PXN: variants seen among roughly 807,000 people sequenced by gnomAD.
PXN encodes testicular tissue protein Li 134.
A neutral mutation model predicts 103.6 loss-of-function variants in PXN; 61 were observed. That is an observed-to-expected ratio of 0.59 (90% CI 0.48 to 0.73). The LOEUF is 0.73. Among genes scored for constraint, PXN ranks in the 30% least tolerant of loss-of-function variants. The pLI, the probability that PXN is intolerant of heterozygous loss-of-function variation, is 0.00. For synonymous variants in PXN, 562 were observed against 607.8 expected, an observed-to-expected ratio of 0.92 and a Z score of 1.11; for missense variants, 1,274 against 1,460.3, an observed-to-expected ratio of 0.87 and a Z score of 2.08.
chr12:120,256,853 G>C (rs1236530423), intron 1 of PXN, among the ~76,000 whole-genome samples: 1 of 152,062 alleles, frequency 6.6e-6, no homozygotes, highest in South Asian at 2.1e-4. Flanking sequence ...GAGTAGCTGG[G>C]ATTACAAGCA....
At chr12:120,240,509 G>A (rs944406614) in intron 1 of PXN, among the ~76,000 whole-genome samples, 1 of 152,166 alleles carries the variant, frequency 6.6e-6, no homozygotes, top group African/African-American at 2.4e-5. Context: ...GGCTTTGCAG[G>A]ACCCAACCAA....
chr12:120,227,992 G>A (rs908697787), intron 1 of PXN, among the ~76,000 whole-genome samples: 5 of 152,276 alleles, frequency 3.3e-5, no homozygotes, highest in East Asian at 1.9e-4. Context: ...CCCAGTGTCC[G>A]GCTCCAGCCT....
chr12:120,216,467 G>T lies in PXN; in HGVS notation c.2107C>A (p.Pro703Thr). 7.2e-7 allele frequency: 1 copy of T among 1,386,632 alleles called. No individual in the cohort carries two copies. Among genetic ancestry groups the T allele is most frequent in the Non-Finnish European group, 9.3e-7 (1 of 1,079,972 alleles). 85.9% of individuals were successfully genotyped at this position (1,386,632 alleles called of 1,614,324 possible). A position where few individuals can be genotyped will look rare whatever the true frequency, so the allele number is the denominator to read the frequency against. Reference sequence around the variant, plus strand: ...GAGGAGGCGAGCAGGCTGGGCAGGGGAGAAGAGCTGCTGGCCGCGGCGTCT... The same window carrying T: ...GAGGAGGCGAGCAGGCTGGGCAGGGTAGAAGAGCTGCTGGCCGCGGCGTCT... ...RTDAAASSSSPLPSLLASSPL... is the reference protein window; with the variant it reads ...RTDAAASSSSTLPSLLASSPL... The change falls in exon 9 of 15, where the codon CCC (proline) becomes ACC (threonine). Residue 703 changes from proline (P) to threonine (T), a missense_variant. Around this residue, in one of 2 missense-constraint regions of PXN, gnomAD observed 1,178 missense variants for 1,309.0 expected, o/e 0.90. Transcript: ENST00000637617. The surrounding 1 kb of genome is among the most constrained non-coding windows in gnomAD (Gnocchi z 5.1).
intron 1 of PXN, among the ~76,000 whole-genome samples, chr12:120,261,669 A>C (rs1893904308): frequency 6.6e-6 from 1 of 152,158 alleles, no homozygotes; most frequent in Non-Finnish European, 1.5e-5. Context: ...TGGCCCACCA[A>C]TAACTCTGGC....
rs1323434927 is a variant in PXN at position 120,221,737 on chromosome 12, C to T, written c.717G>A (p.Gln239=). Residue 239 remains glutamine, a synonymous_variant, in exon 6 of 15, where the codon CAG becomes CAA. Coordinates refer to ENST00000637617, the MANE Select transcript of PXN (RefSeq NM_001385981.1). This position sits in a 1 kb window ranked among gnomAD's most constrained non-coding sequence, Gnocchi z 6.6. ...PSPVPAITVN[Q]GEMSSPQRVT... Reference sequence around the variant, plus strand: ...CGCGCTGCGGGCTGCTCATCTCGCCCTGGTTCACAGTGATGGCAGGGCTGC... The same window carrying T: ...CGCGCTGCGGGCTGCTCATCTCGCCTTGGTTCACAGTGATGGCAGGGCTGC... 1.3e-6 allele frequency: 2 copies of T among 1,573,858 alleles called. No individual in the cohort carries two copies. Among genetic ancestry groups the T allele is most frequent in the Non-Finnish European group, 8.6e-7 (1 of 1,160,494 alleles).
In PXN at chr12:120,222,538, T is replaced by G. The variant is rs1885496375; in HGVS notation, c.695+11A>C. On this transcript the variant is annotated intron_variant, in intron 5 of 14. Transcript: ENST00000637617. This position sits in a 1 kb window ranked among gnomAD's most constrained non-coding sequence, Gnocchi z 4.7. ...CCTTCCCCACCTGGGGAGGGCCCAG[T>G]GGGTACTCACACGGGGCTGGGCACG... The G allele has an allele frequency of 2.5e-6, 4 of 1,584,880 alleles. No homozygotes were observed. The highest frequency in any genetic ancestry group is 3.4e-6 in the Non-Finnish European group (4 of 1,166,292).
At chr12:120,240,349 C>T (rs1889928152) in intron 1 of PXN, among the ~76,000 whole-genome samples, 1 of 152,184 alleles carries the variant, frequency 6.6e-6, no homozygotes, top group South Asian at 2.1e-4. Context: ...GCATGCCCAG[C>T]ACTGCAAGCC....
chr12:120,243,324 T>G (rs994154182), intron 1 of PXN, among the ~76,000 whole-genome samples: 53 of 152,324 alleles, frequency 3.5e-4, no homozygotes, highest in African/African-American at 1.3e-3. Flanking sequence ...TTCCAAAATC[T>G]TATTACAGAA....
Position 120,215,863 on chromosome 12 carries a change from A to T in PXN, c.2302-202T>A. ...TAGGGAGAAAGGAAGAAGGACAGGG[A>T]GGGGAGTCGACCAAAGGCAGAGGAA... On this transcript the variant is annotated intron_variant, in intron 9 of 14. Transcript: ENST00000637617. The surrounding 1 kb of genome is among the most constrained non-coding windows in gnomAD (Gnocchi z 4.9). 7.6e-7 allele frequency: 1 copy of T among 1,308,370 alleles called. No homozygotes were observed. Among genetic ancestry groups the T allele is most frequent in the Non-Finnish European group, 1.0e-6 (1 of 997,686 alleles). 81.0% of individuals were successfully genotyped at this position (1,308,370 alleles called of 1,614,324 possible). A position where few individuals can be genotyped will look rare whatever the true frequency, so the allele number is the denominator to read the frequency against.
chr12:120,237,562 G>A (rs1889327771), intron 1 of PXN, among the ~76,000 whole-genome samples: 1 of 152,128 alleles, frequency 6.6e-6, no homozygotes, highest in Non-Finnish European at 1.5e-5. Context: ...TGTCCTGGCA[G>A]CGCACCATTT....
chr12:120,223,441 C>CA (rs1017113036), intron 3 of PXN, among the ~76,000 whole-genome samples: 12 of 141,468 alleles, frequency 8.5e-5, no homozygotes, highest in African/African-American at 2.4e-4. Context: ...GACCCCGTCT[C>CA]AAAAAAAAAG....
intron 1 of PXN, among the ~76,000 whole-genome samples, chr12:120,231,612 C>T (rs941113281): frequency 6.6e-6 from 1 of 152,188 alleles, no homozygotes; most frequent in Non-Finnish European, 1.5e-5. Context: ...AGGCTTCCTA[C>T]AGGCCTAGCT....
At chr12:120,240,400 AG>A (rs1889940441) in intron 1 of PXN, among the ~76,000 whole-genome samples, 1 of 152,198 alleles carries the variant, frequency 6.6e-6, no homozygotes, top group African/African-American at 2.4e-5. Context: ...GGTGTCAGTT[AG>A]GTAGTCTGAC....
chr12:120,227,785 A>T (rs1028733770), intron 1 of PXN, among the ~76,000 whole-genome samples: 1 of 152,248 alleles, frequency 6.6e-6, no homozygotes, highest in Non-Finnish European at 1.5e-5. Flanking sequence ...GCAAGCCAAC[A>T]GTAGACTCCT....
intron 1 of PXN, chr12:120,226,750 C>T (rs1256387237): frequency 1.8e-6 from 2 of 1,084,528 alleles, no homozygotes; most frequent in Non-Finnish European, 2.3e-6. Flanking sequence ...GTTCAAGTGC[C>T]AGCTCCCCTC....
At chr12:120,226,301 G>C in intron 1 of PXN, 10 of 1,289,182 alleles carry the variant, frequency 7.8e-6, no homozygotes, top group Non-Finnish European at 9.1e-6. Flanking sequence ...ACCCCAGTAG[G>C]GGGCAGGAGC....
intron 1 of PXN, among the ~76,000 whole-genome samples, chr12:120,255,545 T>C (rs1012873973): frequency 6.6e-6 from 1 of 151,286 alleles, no homozygotes; most frequent in African/African-American, 2.4e-5. Flanking sequence ...ACCACAAAAA[T>C]TAGCTGGGCA....
rs1290008793 is a variant in PXN, at chr12:120,221,685, T to G, written c.769A>C (p.Ile257Leu). Residue 257 changes from isoleucine (I) to leucine (L), a missense_variant, in exon 6 of 15, where the codon ATC becomes CTC. Around this residue, in one of 2 missense-constraint regions of PXN, gnomAD observed 1,178 missense variants for 1,309.0 expected, o/e 0.90. Coordinates refer to ENST00000637617, the MANE Select transcript of PXN (RefSeq NM_001385981.1). This position sits in a 1 kb window ranked among gnomAD's most constrained non-coding sequence, Gnocchi z 6.6. ...TCCCTGGTGGCAGAGGAGGCCGAGATGCGTGTCTGCTGTTGGGTGGAGGTG... is the reference window on the plus strand; with the variant it reads ...TCCCTGGTGGCAGAGGAGGCCGAGAGGCGTGTCTGCTGTTGGGTGGAGGTG... The part of the protein sequence containing the change: ...RVTSTQQQTR[I>L]SASSATRELD... 7 of 1,567,346 alleles carry G rather than the reference T, an allele frequency of 4.5e-6. No homozygotes were observed. Among genetic ancestry groups the G allele is most frequent in the Non-Finnish European group, 6.1e-6 (7 of 1,156,398 alleles).
Position 120,219,620 on chromosome 12 carries a change from A to T in PXN, c.1303T>A (p.Trp435Arg), listed in dbSNP as rs751261272. ...ACCTCCGAAGCCCATGGCTGCTCCCATGTGGCAGCCAAGGCCTCCTCTGGG... is the reference window on the plus strand; with the variant it reads ...ACCTCCGAAGCCCATGGCTGCTCCCTTGTGGCAGCCAAGGCCTCCTCTGGG... ...SCPEEALAAT[W>R]EQPWASEVFG... Residue 435 changes from tryptophan to arginine, a missense_variant, in exon 7 of 15, where the codon TGG (tryptophan) becomes AGG (arginine). This residue lies in a region of PXN where 1,178 missense variants were observed against 1,309.0 expected (regional missense o/e 0.90). Transcript: ENST00000637617. This position sits in a 1 kb window ranked among gnomAD's most constrained non-coding sequence, Gnocchi z 6.5. The T allele has an allele frequency of 1.3e-6, 2 of 1,568,804 alleles. No individual in the cohort carries two copies. The highest frequency in any genetic ancestry group is 1.3e-5 in the African/African-American group (1 of 74,194).
Sources: gnomAD v4.1 joint callset for allele counts (sites outside exome capture counted in the v4.1 genomes callset) on GRCh38, gnomAD v4.1.1 for gene constraint, gnomAD v4.1.1 regional missense constraint, Gnocchi (gnomAD v3.1) non-coding constraint, MANE v1.5 for transcripts, NCBI Gene and HGNC (gene_info 2026-07-23, HGNC 2026-07-21) for gene names.